TICAM1: variants seen among roughly 807,000 people sequenced by gnomAD.
The protein encoded by TICAM1 is TIR domain containing adaptor molecule 1, also known as TIR domain-containing adapter molecule 1.
For missense variants in TICAM1, 895 were observed against 938.2 expected (o/e 0.95, Z 0.60); for synonymous variants, 439 against 415.4 (o/e 1.06, Z -0.69).
At chr19:4,826,826 T>G (rs1171033739) in intron 1 of TICAM1, among the ~76,000 whole-genome samples, 1 of 152,148 alleles carries the variant, frequency 6.6e-6, no homozygotes, top group Non-Finnish European at 1.5e-5. Flanking sequence ...CTGAGCTTTT[T>G]GGCTCCTTTT....
chr19:4,830,603 A>G (rs770753277), intron 1 of TICAM1, among the ~76,000 whole-genome samples: 1 of 152,186 alleles, frequency 6.6e-6, no homozygotes, highest in Admixed American at 6.6e-5. Context: ...CTGCATATCA[A>G]GGCAGGCACA....
intron 1 of TICAM1, among the ~76,000 whole-genome samples, chr19:4,830,516 A>T (rs1488277812): frequency 2.0e-5 from 3 of 151,480 alleles, no homozygotes; most frequent in Non-Finnish European, 4.4e-5. Flanking sequence ...TCCTTCCCAC[A>T]CTCTCATGCA....
At chr19:4,824,368 T>A (rs1209924266) in intron 1 of TICAM1, among the ~76,000 whole-genome samples, 6 of 138,512 alleles carry the variant, frequency 4.3e-5, no homozygotes, top group Non-Finnish European at 7.5e-5. Context: ...AGAGTCTCGC[T>A]CTGTCATCCA....
In TICAM1 at chr19:4,817,154, G is replaced by A. The variant is rs1184776744; in HGVS notation, c.1224C>T (p.Ile408=). The change falls in exon 2 of 2, where the codon ATC becomes ATT. Residue 408 remains isoleucine, a synonymous_variant. Transcript: ENST00000248244. This position sits in a 1 kb window ranked among gnomAD's most constrained non-coding sequence, Gnocchi z 4.7. Reference sequence around the variant, plus strand: ...CCAGCTTCTCCCGAACCCGCAGGGCGATGTGTTCGTCTGCCCTGGCGTGGA... The same window carrying A: ...CCAGCTTCTCCCGAACCCGCAGGGCAATGTGTTCGTCTGCCCTGGCGTGGA... ...VILHARADEH[I]ALRVREKLEA... is the part of the protein sequence containing the mutation. The A allele has an allele frequency of 3.1e-6, 5 of 1,614,090 alleles. No individual in the cohort carries two copies. The highest frequency in any genetic ancestry group is 2.7e-5 in the African/African-American group (2 of 74,946).
In TICAM1 at chr19:4,817,519, G is replaced by A. The variant is rs546707391; in HGVS notation, c.859C>T (p.Leu287Phe). 1.2e-6 allele frequency: 2 copies of A among 1,613,844 alleles called. No individual in the cohort carries two copies. Among genetic ancestry groups the A allele is most frequent in the East Asian group, 4.5e-5 (2 of 44,870 alleles). ...EVAPDATSTG[L>F]PDTPAAPETS... Reference sequence around the variant, plus strand: ...TCTGGAGCTGCGGGGGTATCAGGGAGGCCAGTGGAGGTTGCATCTGGGGCC... The same window carrying A: ...TCTGGAGCTGCGGGGGTATCAGGGAAGCCAGTGGAGGTTGCATCTGGGGCC... The change falls in exon 2 of 2, where the codon CTC becomes TTC. Residue 287 changes from leucine (L) to phenylalanine (F), a missense_variant. By Grantham distance (22) the Leu-to-Phe change is conservative. Coordinates refer to ENST00000248244, the MANE Select transcript of TICAM1 (RefSeq NM_182919.4). This position sits in a 1 kb window ranked among gnomAD's most constrained non-coding sequence, Gnocchi z 4.7.
At chr19:4,824,413 C>A (rs1380002397) in intron 1 of TICAM1, among the ~76,000 whole-genome samples, 1 of 148,166 alleles carries the variant, frequency 6.7e-6, no homozygotes, top group Non-Finnish European at 1.5e-5. Context: ...CAGCTCACTG[C>A]AACCTCCGCC....
chr19:4,823,746 G>T (rs1198292833), intron 1 of TICAM1, among the ~76,000 whole-genome samples: 51 of 152,138 alleles, frequency 3.4e-4, no homozygotes, highest in Non-Finnish European at 1.3e-4. Flanking sequence ...GCTAAGGAGA[G>T]TCCTCAGAGG....
rs902825079 is a variant in TICAM1, at chr19:4,816,176, T to C, written c.*63A>G. The C allele has an allele frequency of 4.8e-6, 7 of 1,455,738 alleles. No homozygotes were observed. Among genetic ancestry groups the C allele is most frequent in the Admixed American group, 2.5e-5 (1 of 39,692 alleles). The allele number at this position is 1,455,738 out of a possible 1,614,324, so 90.2% of individuals were successfully genotyped here. On this transcript the variant is annotated 3_prime_UTR_variant, in exon 2 of 2. Transcript: ENST00000248244. The surrounding 1 kb of genome is among the most constrained non-coding windows in gnomAD (Gnocchi z 4.3). The stretch of plus-strand genomic sequence containing the variant: ...GCACAGGGCAGACCGGGGTGCTCTA[T>C]GGGGTCCTGGCCGATGCCTGGGTCC...
chr19:4,826,540 G>T (rs2093605698), intron 1 of TICAM1, among the ~76,000 whole-genome samples: 5 of 152,200 alleles, frequency 3.3e-5, no homozygotes, highest in African/African-American at 1.2e-4. Context: ...GCCCAGGCTG[G>T]TCTCGAACTC....
Position 4,816,188 on chromosome 19 carries a change from C to T in TICAM1, c.*51G>A, listed in dbSNP as rs185570882. ...CCGGGGTGCTCTATGGGGTCCTGGC[C>T]GATGCCTGGGTCCAGGGGTGTTCCC... is the stretch of plus-strand genomic sequence containing the variant. On this transcript the variant is annotated 3_prime_UTR_variant, in exon 2 of 2. Coordinates refer to ENST00000248244, the MANE Select transcript of TICAM1 (RefSeq NM_182919.4). This position sits in a 1 kb window ranked among gnomAD's most constrained non-coding sequence, Gnocchi z 4.3. The T allele has an allele frequency of 7.9e-5, 116 of 1,465,716 alleles. 1 individual carries two copies. The South Asian group carries it at 9.7e-4, about 12-fold the overall frequency. The allele number at this position is 1,465,716 out of a possible 1,614,324, so 90.8% of individuals were successfully genotyped here.
intron 1 of TICAM1, among the ~76,000 whole-genome samples, chr19:4,821,489 C>T (rs1318652859): frequency 6.6e-6 from 1 of 152,080 alleles, no homozygotes; most frequent in African/African-American, 2.4e-5. Flanking sequence ...TGCCTCAGGA[C>T]CTTTGCACTG....
intron 1 of TICAM1, among the ~76,000 whole-genome samples, chr19:4,820,602 T>C (rs1426386093): frequency 2.0e-5 from 3 of 150,028 alleles, no homozygotes; most frequent in East Asian, 2.0e-4. Flanking sequence ...CGGTGGCTCA[T>C]GCCTGTAATC....
chr19:4,829,451 C>T (rs76335522), intron 1 of TICAM1, among the ~76,000 whole-genome samples: 1 of 131,978 alleles, frequency 7.6e-6, no homozygotes. Flanking sequence ...CAGCAAGTTT[C>T]ATTTCTCACT....
chr19:4,825,621 A>G (rs1175071921), intron 1 of TICAM1, among the ~76,000 whole-genome samples: 1 of 151,792 alleles, frequency 6.6e-6, no homozygotes, highest in Non-Finnish European at 1.5e-5. Flanking sequence ...TGAGCCCAAG[A>G]GTTCGAGACC....
In TICAM1 at chr19:4,818,151, T is replaced by G. The variant is rs756698093; in HGVS notation, c.227A>C (p.Gln76Pro). 3 of 1,609,440 alleles carry G rather than the reference T, an allele frequency of 1.9e-6. No individual in the cohort carries two copies. The South Asian group carries it at 3.3e-5, about 18-fold the overall frequency. Reference sequence around the variant, plus strand: ...CTCGGTGCTGTCCACGCCAGCCCACTGGCGGGCCACCAGCCGGGCCACCGC... The same window carrying G: ...CTCGGTGCTGTCCACGCCAGCCCACGGGCGGGCCACCAGCCGGGCCACCGC... ...ADAVARLVAR[Q>P]WAGVDSTEDP... Residue 76 changes from glutamine (Q) to proline (P), a missense_variant, in exon 2 of 2, where the codon CAG becomes CCG. Physicochemically the swap from Gln to Pro is moderately conservative, Grantham distance 76 (BLOSUM62 -1). Transcript: ENST00000248244. The surrounding 1 kb of genome is among the most constrained non-coding windows in gnomAD (Gnocchi z 4.0).
chr19:4,818,523 G>A lies in TICAM1; in HGVS notation c.-139-7C>T, dbSNP rs1345711445. 1.9e-5 allele frequency: 27 copies of A among 1,411,308 alleles called. No homozygotes were observed. Among genetic ancestry groups the A allele is most frequent in the Middle Eastern group, 2.6e-4 (1 of 3,814 alleles). The allele number at this position is 1,411,308 out of a possible 1,614,324, so 87.4% of individuals were successfully genotyped here. On this transcript the variant is annotated splice_region_variant and splice_polypyrimidine_tract_variant and intron_variant, in intron 1 of 1. Transcript: ENST00000248244. This position sits in a 1 kb window ranked among gnomAD's most constrained non-coding sequence, Gnocchi z 4.0. Reference sequence around the variant, plus strand: ...AGGAGCTGCCCAAGCAGATCTGTAGGAAACAGGAGAAGCAAACACACTTAC... The same window carrying A: ...AGGAGCTGCCCAAGCAGATCTGTAGAAAACAGGAGAAGCAAACACACTTAC...
At chr19:4,822,433 G>A (rs62116080) in intron 1 of TICAM1, among the ~76,000 whole-genome samples, 21,790 of 151,810 alleles carry the variant, frequency 0.14, 1,618 homozygotes, top group Middle Eastern at 0.2. Context: ...TATAGAGACG[G>A]GGTTTCACCA....
chr19:4,817,029 G>C lies in TICAM1; in HGVS notation c.1349C>G (p.Ala450Gly). Residue 450 changes from alanine to glycine, a missense_variant, in exon 2 of 2, where the codon GCT (alanine) becomes GGT (glycine). Ala to Gly is a moderately conservative substitution (Grantham distance 60, BLOSUM62 0). Coordinates refer to ENST00000248244, the MANE Select transcript of TICAM1 (RefSeq NM_182919.4). The surrounding 1 kb of genome is among the most constrained non-coding windows in gnomAD (Gnocchi z 4.7). ...GGAGGTGAGAAGTAGGATGATGAAA[G>C]CTGAGTGGTCTATGGCGTCCTGCAG... The part of the protein sequence containing the change: ...SCLQDAIDHS[A>G]FIILLLTSNF... The C allele has an allele frequency of 6.2e-7, 1 of 1,614,160 alleles. No homozygotes were observed. The highest frequency in any genetic ancestry group is 8.5e-7 in the Non-Finnish European group (1 of 1,180,024).
chr19:4,827,393 A>AAAG (rs2093607282), intron 1 of TICAM1, among the ~76,000 whole-genome samples: 1 of 144,800 alleles, frequency 6.9e-6, no homozygotes, highest in Non-Finnish European at 1.5e-5. Flanking sequence ...AAAAAAAAAA[A>AAAG]AAAAAAAAAA....
Sources: gnomAD v4.1 joint callset for allele counts (sites outside exome capture counted in the v4.1 genomes callset) on GRCh38, gnomAD v4.1.1 for gene constraint, Gnocchi (gnomAD v3.1) non-coding constraint, MANE v1.5 for transcripts, NCBI Gene and HGNC (gene_info 2026-07-23, HGNC 2026-07-21) for gene names.